SH3RF3: variants seen among roughly 807,000 people sequenced by gnomAD.
SH3RF3 encodes E3 ubiquitin-protein ligase SH3RF3.
SH3RF3 carries 29 observed loss-of-function variants against 66.3 expected under a neutral mutation model. The ratio of observed to expected loss-of-function variants is 0.44; its 90% CI spans 0.33 to 0.60. The LOEUF (loss-of-function observed/expected upper bound fraction) is 0.60. Among genes scored for constraint, SH3RF3 ranks in the 20% least tolerant of loss-of-function variants. SH3RF3 has a pLI of 0.04. For synonymous variants in SH3RF3, 583 were observed against 532.0 expected, an observed-to-expected ratio of 1.10 and a Z score of -1.32; for missense variants, 1,194 against 1,190.9, an observed-to-expected ratio of 1.00 and a Z score of -0.04.
At chr2:109,352,165 A>T (rs545289510) in intron 2 of SH3RF3, among the ~76,000 whole-genome samples, 2 of 152,316 alleles carry the variant, frequency 1.3e-5, no homozygotes, top group South Asian at 4.1e-4. Context: ...TTTAAAACCC[A>T]AGCTCAAAAT....
At chr2:109,428,011 A>G (rs745311223) in intron 5 of SH3RF3, among the ~76,000 whole-genome samples, 12 of 152,194 alleles carry the variant, frequency 7.9e-5, no homozygotes, top group Non-Finnish European at 1.5e-4. Context: ...GCCCTTCCAC[A>G]GGACTTACCC....
At chr2:109,217,172 G>A (rs1408440298) in intron 1 of SH3RF3, among the ~76,000 whole-genome samples, 1 of 152,100 alleles carries the variant, frequency 6.6e-6, no homozygotes, top group Non-Finnish European at 1.5e-5. Flanking sequence ...TTATTCATTC[G>A]TCTGCTCATG....
rs572189224 is a variant in SH3RF3 at position 109,458,698 on chromosome 2, G to A, written c.2148+9209G>A. 3.9e-5 allele frequency among the ~76,000 whole-genome samples: 6 copies of A among 152,320 alleles called. No individual in the cohort carries two copies. In the South Asian group the frequency reaches 1.2e-3, roughly 32 times the overall value. ...GCTGGACCCTCAGTCAGGAGTTGCT[G>A]TGCAGTCTTGAGGCAGAAAATCATT... On this transcript the variant is annotated intron_variant, in intron 8 of 9. Coordinates refer to ENST00000309415, the MANE Select transcript of SH3RF3 (RefSeq NM_001099289.3).
In SH3RF3 at chr2:109,208,958, G is replaced by T. The variant is rs117126226; in HGVS notation, c.573+78845G>T. On this transcript the variant is annotated intron_variant, in intron 1 of 9. Transcript: ENST00000309415. Reference sequence around the variant, plus strand: ...AGGCCATCAGACAGAGGTGTCTTTGGCCATGGGCAGGTGGGGTTCATGTTC... The same window carrying T: ...AGGCCATCAGACAGAGGTGTCTTTGTCCATGGGCAGGTGGGGTTCATGTTC... 7.3e-4 allele frequency among the ~76,000 whole-genome samples: 111 copies of T among 152,336 alleles called. No individual in the cohort carries two copies. The East Asian group carries it at 0.021, about 29-fold the overall frequency.
At chr2:109,461,769 A>C (rs1165479195) in intron 8 of SH3RF3, among the ~76,000 whole-genome samples, 1 of 152,256 alleles carries the variant, frequency 6.6e-6, no homozygotes, top group Non-Finnish European at 1.5e-5. Flanking sequence ...CATGTGGCCC[A>C]AGTGGTAGAG....
intron 2 of SH3RF3, among the ~76,000 whole-genome samples, chr2:109,353,822 C>T (rs1682889243): frequency 6.6e-6 from 1 of 152,170 alleles, no homozygotes; most frequent in Admixed American, 6.5e-5. Flanking sequence ...GAGCTGCCGG[C>T]AGTGAGAGGG....
chr2:109,474,519 G>A (rs555184579), intron 8 of SH3RF3, among the ~76,000 whole-genome samples: 3 of 152,340 alleles, frequency 2.0e-5, no homozygotes, highest in African/African-American at 7.2e-5. Context: ...GAGGCCCTCA[G>A]TTGGCCTGAG....
At chr2:109,317,806 C>T (rs376248886) in intron 1 of SH3RF3, among the ~76,000 whole-genome samples, 1 of 152,084 alleles carries the variant, frequency 6.6e-6, no homozygotes, top group South Asian at 2.1e-4. Context: ...GGGATGTATC[C>T]TAGGACTTTA....
At chr2:109,251,336 A>G (rs899272226) in intron 1 of SH3RF3, 1 of 511,278 alleles carries the variant, frequency 2.0e-6, no homozygotes, top group African/African-American at 1.9e-5. Context: ...AATTAGAGAG[A>G]TGCAAGACAC....
At chr2:109,390,649 C>T (rs184854983) in intron 3 of SH3RF3, among the ~76,000 whole-genome samples, 10 of 152,184 alleles carry the variant, frequency 6.6e-5, no homozygotes, top group South Asian at 2.1e-4. Flanking sequence ...GGGGTGCGGT[C>T]GGCATTTCTG....
intron 5 of SH3RF3, among the ~76,000 whole-genome samples, chr2:109,429,590 C>T (rs971832318): frequency 3.3e-5 from 5 of 152,128 alleles, no homozygotes; most frequent in South Asian, 2.1e-4. Flanking sequence ...CCAGCCTCCC[C>T]GGGCCACACC....
At chr2:109,419,865 G>A (rs1373062158) in intron 5 of SH3RF3, among the ~76,000 whole-genome samples, 1 of 152,256 alleles carries the variant, frequency 6.6e-6, no homozygotes, top group Non-Finnish European at 1.5e-5. Flanking sequence ...TCTAAGCAGG[G>A]AGGATATTCA....
chr2:109,484,901 C>G (rs1445735354), intron 8 of SH3RF3, among the ~76,000 whole-genome samples: 4 of 152,210 alleles, frequency 2.6e-5, no homozygotes, highest in Non-Finnish European at 5.9e-5. Flanking sequence ...ACTATCTCCC[C>G]AGTCTCAGGT....
intron 1 of SH3RF3, among the ~76,000 whole-genome samples, chr2:109,176,078 C>T (rs1240975594): frequency 6.6e-6 from 1 of 152,190 alleles, no homozygotes. Context: ...TTTTGGTCAG[C>T]ACACTGGAAA....
chr2:109,130,453 C>T (rs1676664028), intron 1 of SH3RF3, among the ~76,000 whole-genome samples: 1 of 152,162 alleles, frequency 6.6e-6, no homozygotes, highest in Non-Finnish European at 1.5e-5. Flanking sequence ...TCCTCTGGGT[C>T]CCCAGACACT....
intron 1 of SH3RF3, among the ~76,000 whole-genome samples, chr2:109,168,177 CTG>C (rs1161856714): frequency 1.3e-5 from 2 of 152,170 alleles, no homozygotes. Context: ...GCAATGAAGA[CTG>C]TGATTTGCAA....
intron 1 of SH3RF3, among the ~76,000 whole-genome samples, chr2:109,276,765 A>C (rs1183762712): frequency 1.3e-5 from 2 of 152,152 alleles, no homozygotes; most frequent in African/African-American, 4.8e-5. Context: ...TTTTGTTTCT[A>C]GAGAAAACAG....
At chr2:109,289,039 GT>G (rs1385563834) in intron 1 of SH3RF3, among the ~76,000 whole-genome samples, 3 of 152,170 alleles carry the variant, frequency 2.0e-5, no homozygotes, top group Non-Finnish European at 4.4e-5. Context: ...ACTAACATTC[GT>G]TTGTCAACTG....
intron 1 of SH3RF3, among the ~76,000 whole-genome samples, chr2:109,172,651 A>G (rs914890537): frequency 2.4e-4 from 36 of 152,132 alleles, no homozygotes; most frequent in Admixed American, 1.1e-3. Context: ...GCAGGAAGCA[A>G]TTGTTTGGGA....
Sources: allele counts gnomAD v4.1 joint callset (sites outside exome capture counted in the v4.1 genomes callset), GRCh38; gene constraint gnomAD v4.1.1; transcripts MANE v1.5; gene names NCBI Gene and HGNC (gene_info 2026-07-23, HGNC 2026-07-21).